The following KDM2B variants were observed in gnomAD, a reference collection of about 807,000 sequenced individuals.
KDM2B encodes lysine demethylase 2B, also known as lysine-specific demethylase 2B.
KDM2B carries 26 observed loss-of-function variants against 150.0 expected under a neutral mutation model. The observed-to-expected ratio is 0.17, with a 90% CI of 0.13 to 0.24. KDM2B has a LOEUF of 0.24. Among genes scored for constraint, KDM2B ranks in the 10% least tolerant of loss-of-function variants. The pLI is 1.00. For missense variants in KDM2B, 1,265 were observed against 1,816.9 expected (o/e 0.70, Z 5.52); for synonymous variants, 734 against 729.5 (o/e 1.01, Z -0.10).
chr12:121,517,802 A>C (rs1463910697), intron 9 of KDM2B, among the ~76,000 whole-genome samples: 1 of 151,312 alleles, frequency 6.6e-6, no homozygotes, highest in Non-Finnish European at 1.5e-5. Context: ...ACAAAGCCAC[A>C]CCATGGAGCT....
intron 8 of KDM2B, among the ~76,000 whole-genome samples, chr12:121,525,272 T>C (rs1377029029): frequency 2.6e-5 from 4 of 152,164 alleles, no homozygotes; most frequent in Middle Eastern, 3.4e-3. Flanking sequence ...TTTTGTTGGG[T>C]TTTTGTTTTT....
intron 4 of KDM2B, among the ~76,000 whole-genome samples, chr12:121,553,084 C>A (rs1449690148): frequency 6.6e-6 from 1 of 151,856 alleles, no homozygotes; most frequent in Non-Finnish European, 1.5e-5. Flanking sequence ...TACAAAAAAT[C>A]CGCCGGGTGT....
At position 121,444,051 on chromosome 12, in the gene KDM2B, C is replaced by T; in HGVS notation, c.2412G>A (p.Arg804=). The T allele has an allele frequency of 1.2e-6, 2 of 1,613,624 alleles. No homozygotes were observed. The highest frequency in any genetic ancestry group is 8.5e-7 in the Non-Finnish European group (1 of 1,179,720). The change falls in exon 16 of 23, where the codon CGG becomes CGA. Residue 804 remains arginine, a synonymous_variant. Transcript: ENST00000377071. ...TCAGCTCCTGGGGCTTCTCGTATTT[C>T]CGCTTCTTCCTCAGGTGCACGTCGT... ...KSDDVHLRKK[R]KYEKPQELSG...
At chr12:121,476,858 T>C (rs1333368456) in intron 12 of KDM2B, among the ~76,000 whole-genome samples, 3 of 152,178 alleles carry the variant, frequency 2.0e-5, no homozygotes, top group Non-Finnish European at 2.9e-5. Flanking sequence ...ACAAAATCTA[T>C]TGTCACCATT....
At chr12:121,475,056 C>A (rs1566312007) in intron 12 of KDM2B, among the ~76,000 whole-genome samples, 1 of 152,162 alleles carries the variant, frequency 6.6e-6, no homozygotes, top group African/African-American at 2.4e-5. Context: ...GAGCAACAGG[C>A]TTTACCATAC....
chr12:121,518,841 T>C lies in KDM2B; in HGVS notation c.1047+2144A>G, dbSNP rs1886449329. Among the ~76,000 whole-genome samples the C allele has an allele frequency of 6.6e-6, 1 of 152,208 alleles. No homozygotes were observed. Among genetic ancestry groups the C allele is most frequent in the Admixed American group, 6.5e-5 (1 of 15,282 alleles). On this transcript the variant is annotated intron_variant, in intron 9 of 22. Transcript: ENST00000377071. This position sits in a 1 kb window ranked among gnomAD's most constrained non-coding sequence, Gnocchi z 4.4. Reference sequence around the variant, plus strand: ...ACGTCTGCTCGTGCACAAACTGGCCTGTACTCCAGGACAGGCCAAAGAACA... The same window carrying C: ...ACGTCTGCTCGTGCACAAACTGGCCCGTACTCCAGGACAGGCCAAAGAACA...
At chr12:121,568,586 C>T (rs182757024) in intron 4 of KDM2B, among the ~76,000 whole-genome samples, 302 of 152,162 alleles carry the variant, frequency 2.0e-3, no homozygotes, top group African/African-American at 6.7e-3. Context: ...AAGCCAAAAA[C>T]TAAAGAAGAC....
At chr12:121,558,707 G>A (rs540047640) in intron 4 of KDM2B, among the ~76,000 whole-genome samples, 3 of 151,734 alleles carry the variant, frequency 2.0e-5, no homozygotes, top group African/African-American at 4.8e-5. Flanking sequence ...TGCCCGCCTC[G>A]GCCTCCCAAA....
chr12:121,549,204 C>T lies in KDM2B; in HGVS notation c.577-221G>A, dbSNP rs969578207. Among the ~76,000 whole-genome samples the T allele has an allele frequency of 6.6e-6, 1 of 152,048 alleles. No homozygotes were observed. Among genetic ancestry groups the T allele is most frequent in the Non-Finnish European group, 1.5e-5 (1 of 68,006 alleles). On this transcript the variant is annotated intron_variant, in intron 5 of 22. Transcript: ENST00000377071. This position sits in a 1 kb window ranked among gnomAD's most constrained non-coding sequence, Gnocchi z 4.4. ...TGGGGGTCGGGCACGGTAGCTTATA[C>T]CTCTAATCTAAGTGCTTTGGGAGGC...
chr12:121,580,160 T>TA, intron 1 of KDM2B: 1 of 1,409,658 alleles, frequency 7.1e-7, no homozygotes, highest in Non-Finnish European at 9.2e-7. Context: ...AATAAATAAA[T>TA]AAAGCAAGCC....
rs187288133 is a variant in KDM2B, at chr12:121,479,110, G to A, written c.1734+15469C>T. ...ATGAACTCCTATACCACAAGGAGGC[G>A]CTATAAATAAATTGGTAAACAGTGG... On this transcript the variant is annotated intron_variant, in intron 12 of 22. Coordinates refer to ENST00000377071, the MANE Select transcript of KDM2B (RefSeq NM_032590.5). 3.6e-3 allele frequency among the ~76,000 whole-genome samples: 549 copies of A among 152,014 alleles called. 1 individual carries two copies. Among genetic ancestry groups the A allele is most frequent in the African/African-American group, 0.013 (524 of 41,478 alleles).
chr12:121,450,555 G>A (rs1477535290), intron 13 of KDM2B, among the ~76,000 whole-genome samples: 1 of 151,966 alleles, frequency 6.6e-6, no homozygotes, highest in Admixed American at 6.6e-5. Flanking sequence ...ATGTTGGTGG[G>A]GACACAGAGA....
intron 4 of KDM2B, among the ~76,000 whole-genome samples, chr12:121,569,204 A>G (rs1258413190): frequency 6.6e-6 from 1 of 152,168 alleles, no homozygotes; most frequent in Non-Finnish European, 1.5e-5. Flanking sequence ...CTGCTTCCCC[A>G]CTTTCAGTCC....
intron 11 of KDM2B, among the ~76,000 whole-genome samples, chr12:121,496,493 C>CTT (rs782450832): frequency 0.024 from 2,904 of 121,428 alleles, 193 homozygotes; most frequent in African/African-American, 0.092. Context: ...GCTCATTGTC[C>CTT]TTTTTTTTTT....
chr12:121,481,758 G>GTTT (rs111363850), intron 12 of KDM2B, among the ~76,000 whole-genome samples: 10 of 123,252 alleles, frequency 8.1e-5, no homozygotes, highest in African/African-American at 3.4e-4. Flanking sequence ...TTATCTTAGG[G>GTTT]TTTTTTTTGT....
chr12:121,475,989 C>T (rs1881322082), intron 12 of KDM2B, among the ~76,000 whole-genome samples: 1 of 149,672 alleles, frequency 6.7e-6, no homozygotes, highest in South Asian at 2.1e-4. Flanking sequence ...TAGAGTGAGA[C>T]TCTGTGTCCA....
rs139886697 is a variant in KDM2B, at chr12:121,566,260, G to A, written c.397+8287C>T. Among the ~76,000 whole-genome samples the A allele has an allele frequency of 4.2e-3, 643 of 152,004 alleles. 2 individuals are homozygous for A. The highest frequency in any genetic ancestry group is 0.015 in the African/African-American group (615 of 41,500). ...AATCCCAACACTGGGAGGCTGAGGC[G>A]GGAGGATTACAAGGTCAGGAGTTCA... On this transcript the variant is annotated intron_variant, in intron 4 of 22. Coordinates refer to ENST00000377071, the MANE Select transcript of KDM2B (RefSeq NM_032590.5).
chr12:121,472,760 C>A (rs1880900492), intron 12 of KDM2B, among the ~76,000 whole-genome samples: 4 of 152,164 alleles, frequency 2.6e-5, no homozygotes, highest in African/African-American at 7.2e-5. Flanking sequence ...TACTTCCCTT[C>A]TCTATTCATT....
intron 4 of KDM2B, among the ~76,000 whole-genome samples, chr12:121,568,467 AC>A (rs1437550014): frequency 6.6e-6 from 1 of 152,192 alleles, no homozygotes; most frequent in Non-Finnish European, 1.5e-5. Context: ...TCTCAAAAAA[AC>A]AAACAAACAA....
Sources: gnomAD v4.1 joint callset for allele counts (sites outside exome capture counted in the v4.1 genomes callset) on GRCh38, gnomAD v4.1.1 for gene constraint, Gnocchi (gnomAD v3.1) non-coding constraint, MANE v1.5 for transcripts, NCBI Gene and HGNC (gene_info 2026-07-23, HGNC 2026-07-21) for gene names.